The following CLN8 variants were observed in gnomAD, a reference collection of about 807,000 sequenced individuals.
CLN8 encodes the protein CLN8 transmembrane ER and ERGIC protein, also known as protein CLN8.
In CLN8, 14 loss-of-function variants were observed where a neutral mutation model predicts 15.7. That is an observed-to-expected ratio of 0.89 (90% CI 0.59 to 1.39). CLN8 has a LOEUF of 1.39. Among genes scored for constraint, CLN8 ranks in the 40% most tolerant of loss-of-function variants. The pLI is 0.00. For synonymous variants in CLN8, 188 were observed against 151.0 expected (o/e 1.25, Z -1.80); for missense variants, 415 against 364.0 (o/e 1.14, Z -1.14).
upstream of CLN8, among the ~76,000 whole-genome samples, chr8:1,755,050 C>A (rs866343752): frequency 1.1e-4 from 17 of 152,324 alleles, no homozygotes; most frequent in Middle Eastern, 3.4e-3. Flanking sequence ...GCTGCCAGAT[C>A]TGCTGGCTTC....
chr8:1,771,336 C>G lies in CLN8; in HGVS notation c.282C>G (p.Asp94Glu). Reference sequence around the variant, plus strand: ...TGGGGGACCCTGTGCTGCATGCCGACAAGGCGCGTGGCCAGCAGAACTGGT... The same window carrying G: ...TGGGGGACCCTGTGCTGCATGCCGAGAAGGCGCGTGGCCAGCAGAACTGGT... ...ALLGDPVLHA[D>E]KARGQQNWCW... The change falls in exon 2 of 3, where the codon GAC becomes GAG. Residue 94 changes from aspartate to glutamate, a missense_variant. Physicochemically the swap from Asp to Glu is conservative, Grantham distance 45. Transcript: ENST00000331222. The G allele has an allele frequency of 6.2e-7, 1 of 1,614,218 alleles. No homozygotes were observed. Among genetic ancestry groups the G allele is most frequent in the Non-Finnish European group, 8.5e-7 (1 of 1,180,046 alleles).
At chr8:1,753,607 C>G (rs899368403), upstream of CLN8, among the ~76,000 whole-genome samples, 34 of 111,276 alleles carry the variant, frequency 3.1e-4, no homozygotes, top group Non-Finnish European at 5.1e-4. Context: ...AAAAAACAGG[C>G]TGGGTGTAGT....
At chr8:1,778,465 T>G (rs994511764) in intron 2 of CLN8, among the ~76,000 whole-genome samples, 4 of 152,236 alleles carry the variant, frequency 2.6e-5, no homozygotes, top group Non-Finnish European at 5.9e-5. Flanking sequence ...CCAGGCTTGT[T>G]TTGGATCCTG....
chr8:1,776,709 G>A (rs1001836925), intron 2 of CLN8, among the ~76,000 whole-genome samples: 4 of 152,228 alleles, frequency 2.6e-5, no homozygotes, highest in East Asian at 3.8e-4. Flanking sequence ...GGAAAACAGC[G>A]TGTGAGACTT....
At chr8:1,768,507 A>T (rs1252515936) in intron 1 of CLN8, among the ~76,000 whole-genome samples, 1 of 152,234 alleles carries the variant, frequency 6.6e-6, no homozygotes, top group African/African-American at 2.4e-5. Flanking sequence ...CCAAGCGGAC[A>T]TTGATGCAAC....
At chr8:1,778,510 C>T (rs1392278491) in intron 2 of CLN8, among the ~76,000 whole-genome samples, 1 of 152,220 alleles carries the variant, frequency 6.6e-6, no homozygotes, top group Non-Finnish European at 1.5e-5. Flanking sequence ...GTTCACTGTG[C>T]CTCAGCAATG....
At chr8:1,777,361 A>G (rs1801561016) in intron 2 of CLN8, among the ~76,000 whole-genome samples, 1 of 152,198 alleles carries the variant, frequency 6.6e-6, no homozygotes. Context: ...GGTGAGTGTG[A>G]GGGCCTAGAA....
chr8:1,754,947 G>A (rs1473198979), upstream of CLN8, among the ~76,000 whole-genome samples: 1 of 152,194 alleles, frequency 6.6e-6, no homozygotes, highest in Non-Finnish European at 1.5e-5. Context: ...AAGGAGCCTT[G>A]CTGCAAAGCT....
At chr8:1,767,331 C>G (rs1347854767) in intron 1 of CLN8, among the ~76,000 whole-genome samples, 2 of 152,176 alleles carry the variant, frequency 1.3e-5, no homozygotes, top group Non-Finnish European at 2.9e-5. Context: ...TAATTGGCAC[C>G]TGTTCTCTGA....
intron 1 of CLN8, 195 bp downstream of exon 1, chr8:1,764,080 T>G (rs1174597289): frequency 3.4e-5 from 5 of 147,636 alleles, no homozygotes; most frequent in African/African-American, 1.3e-4. Context: ...GGCCGGGAAC[T>G]CAGCTGAGGG....
intron 1 of CLN8, among the ~76,000 whole-genome samples, chr8:1,766,394 T>G (rs1376703950): frequency 3.4e-5 from 5 of 144,998 alleles, no homozygotes; most frequent in East Asian, 2.0e-4. Context: ...TTTTTTGTTT[T>G]TTTTTTTTTT....
upstream of CLN8, chr8:1,758,779 T>C (rs953008918): frequency 2.0e-5 from 3 of 152,178 alleles, no homozygotes; most frequent in Non-Finnish European, 4.4e-5. Flanking sequence ...AGACCTGGAA[T>C]GAATAGAAAG....
Position 1,780,983 on chromosome 8 carries a change from T to G in CLN8, c.*416T>G, listed in dbSNP as rs1057030066. On this transcript the variant is annotated 3_prime_UTR_variant, in exon 3 of 3. Transcript: ENST00000331222. ...ATATGCCGTGTGTCTTATTCAGAAG[T>G]CACATTCTTTTCAGTTGGAGAGAAT... is the stretch of plus-strand genomic sequence containing the variant. The G allele has an allele frequency of 3.8e-4, 75 of 195,020 alleles. No individual in the cohort carries two copies. Among genetic ancestry groups the G allele is most frequent in the Admixed American group, 2.2e-4 (4 of 18,428 alleles). The allele number at this position is 195,020 out of a possible 1,614,324, so 12.1% of individuals were successfully genotyped here. A position where few individuals can be genotyped will look rare whatever the true frequency, so the allele number is the denominator to read the frequency against.
At chr8:1,779,145 T>C (rs970866750) in intron 2 of CLN8, among the ~76,000 whole-genome samples, 1 of 152,222 alleles carries the variant, frequency 6.6e-6, no homozygotes, top group Non-Finnish European at 1.5e-5. Flanking sequence ...AATCAAACAA[T>C]TGTAAGTCAA....
chr8:1,780,402 A>T lies in CLN8; in HGVS notation c.696A>T (p.Thr232=), dbSNP rs1337045486. The T allele has an allele frequency of 1.2e-6, 2 of 1,614,182 alleles. No homozygotes were observed. Among genetic ancestry groups the T allele is most frequent in the Non-Finnish European group, 1.7e-6 (2 of 1,180,034 alleles). Residue 232 remains threonine (T), a synonymous_variant, in exon 3 of 3, where the codon ACA becomes ACT. Coordinates refer to ENST00000331222, the MANE Select transcript of CLN8 (RefSeq NM_018941.4). ...LVSSLYLPHL[T]LFLVGLALLT... is the part of the protein sequence containing the mutation. ...GCAGCCTGTATCTGCCTCATTTGAC[A>T]CTGTTCCTTGTCGGACTGGCTCTGC...
In CLN8 at chr8:1,771,083, C is replaced by G. The variant is rs1454175058; in HGVS notation, c.29C>G (p.Ser10Ter). 1.9e-6 allele frequency: 3 copies of G among 1,613,938 alleles called. No homozygotes were observed. Among genetic ancestry groups the G allele is most frequent in the Admixed American group, 3.3e-5 (2 of 59,986 alleles). Residue 10 changes from serine to a stop codon, truncating the protein, a stop_gained, in exon 2 of 3, where the codon TCA becomes TGA. Transcript: ENST00000331222. LOFTEE classifies it high-confidence loss of function. MNPASDGGT[S>*]ESIFDLDYAS... ...AATCCTGCGAGCGATGGGGGCACAT[C>G]AGAGAGCATTTTTGACCTGGACTAT...
chr8:1,756,728 G>A (rs534025724), intron 1 of CLN8, among the ~76,000 whole-genome samples: 123 of 148,466 alleles, frequency 8.3e-4, no homozygotes, highest in Admixed American at 1.7e-3. Context: ...TGTTGCCCAG[G>A]CTGGAGTGCA....
chr8:1,771,731 G>A (rs1280726706), intron 2 of CLN8, 134 bp downstream of exon 2: 1 of 798,090 alleles, frequency 1.3e-6, no homozygotes, highest in African/African-American at 1.7e-5. Context: ...ACTCATTTTA[G>A]TTGAATGCAA....
chr8:1,776,571 G>T (rs908093829), intron 2 of CLN8, among the ~76,000 whole-genome samples: 1 of 152,276 alleles, frequency 6.6e-6, no homozygotes, highest in Non-Finnish European at 1.5e-5. Flanking sequence ...TCTGTGAGGG[G>T]CGCACGTTTG....
Sources: allele counts gnomAD v4.1 joint callset (sites outside exome capture counted in the v4.1 genomes callset), GRCh38; gene constraint gnomAD v4.1.1; transcripts MANE v1.5; gene names NCBI Gene and HGNC (gene_info 2026-07-23, HGNC 2026-07-21).